Variants in BTBD9 observed in about 807,000 individuals in gnomAD.
BTBD9 encodes the protein BTB/POZ domain-containing protein 9.
BTBD9 carries 49 observed loss-of-function variants against 64.3 expected under a neutral mutation model. The observed-to-expected ratio is 0.76, with a 90% CI of 0.61 to 0.97. BTBD9 has a LOEUF of 0.97. BTBD9 is among the 50% of genes least tolerant of loss of function. BTBD9 has a pLI of 0.00. For synonymous variants in BTBD9, 260 were observed against 274.7 expected (o/e 0.95, Z 0.53); for missense variants, 598 against 762.1 (o/e 0.78, Z 2.53).
At chr6:38,385,785 A>G (rs1029117859) in intron 6 of BTBD9, among the ~76,000 whole-genome samples, 55 of 147,062 alleles carry the variant, frequency 3.7e-4, no homozygotes, top group African/African-American at 1.3e-3. Context: ...GAGATTAAAT[A>G]ATATCATACT....
At chr6:38,206,803 A>G (rs1015459555) in intron 9 of BTBD9, among the ~76,000 whole-genome samples, 9 of 152,220 alleles carry the variant, frequency 5.9e-5, no homozygotes, top group Non-Finnish European at 5.9e-5. Flanking sequence ...TAATTAGGAA[A>G]TAGCAGAATA....
chr6:38,222,712 T>C (rs1284458654), intron 9 of BTBD9, among the ~76,000 whole-genome samples: 2 of 152,060 alleles, frequency 1.3e-5, no homozygotes, highest in East Asian at 1.9e-4. Context: ...CACCTAAGGG[T>C]AAAAGGTAGC....
At chr6:38,376,300 C>T (rs187830768) in intron 6 of BTBD9, among the ~76,000 whole-genome samples, 4 of 152,026 alleles carry the variant, frequency 2.6e-5, no homozygotes, top group East Asian at 1.9e-4. Context: ...TGGACCTGCT[C>T]GCTACAAATA....
intron 6 of BTBD9, among the ~76,000 whole-genome samples, chr6:38,371,286 A>G (rs1280139811): frequency 6.6e-6 from 1 of 152,190 alleles, no homozygotes; most frequent in African/African-American, 2.4e-5. Flanking sequence ...GTTAGAGTTT[A>G]ACTTTGGCCC....
intron 7 of BTBD9, among the ~76,000 whole-genome samples, chr6:38,308,476 A>C (rs1218301055): frequency 6.6e-6 from 1 of 152,242 alleles, no homozygotes; most frequent in Non-Finnish European, 1.5e-5. Flanking sequence ...AAAATTAAGA[A>C]GTTTTAATAT....
At chr6:38,537,812 C>A (rs1774087629) in intron 6 of BTBD9, among the ~76,000 whole-genome samples, 1 of 152,110 alleles carries the variant, frequency 6.6e-6, no homozygotes, top group African/African-American at 2.4e-5. Flanking sequence ...TAGCTAAGTT[C>A]TCACCAAAGG....
chr6:38,276,570 A>G (rs1200945896), intron 8 of BTBD9, among the ~76,000 whole-genome samples: 1 of 152,188 alleles, frequency 6.6e-6, no homozygotes, highest in East Asian at 1.9e-4. Context: ...TTCTTCTCCC[A>G]AGATTTAAAA....
intron 9 of BTBD9, among the ~76,000 whole-genome samples, chr6:38,246,431 C>T (rs1488135884): frequency 6.6e-6 from 1 of 151,676 alleles, no homozygotes; most frequent in Non-Finnish European, 1.5e-5. Flanking sequence ...AAGGATCTGC[C>T]TAGGGTCAGA....
intron 1 of BTBD9, among the ~76,000 whole-genome samples, chr6:38,630,912 C>A (rs1409589002): frequency 6.6e-6 from 1 of 152,170 alleles, no homozygotes; most frequent in Non-Finnish European, 1.5e-5. Context: ...AGCCATGCAG[C>A]CCAATGTCAC....
chr6:38,393,237 T>C lies in BTBD9; in HGVS notation c.1155-48144A>G, dbSNP rs1766516400. Among the ~76,000 whole-genome samples the C allele has an allele frequency of 5.3e-5, 8 of 152,332 alleles. No individual in the cohort carries two copies. The South Asian group carries it at 1.5e-3, about 28-fold the overall frequency. ...GGGAATAAAAAGAATAAGAGGAACA[T>C]GTAGCCATATTTAAGGCTATTGCTT... On this transcript the variant is annotated intron_variant, in intron 6 of 10. Coordinates refer to ENST00000481247, the MANE Select transcript of BTBD9 (RefSeq NM_001099272.2).
chr6:38,292,255 C>G (rs906433052), intron 7 of BTBD9, among the ~76,000 whole-genome samples: 1 of 152,172 alleles, frequency 6.6e-6, no homozygotes, highest in Non-Finnish European at 1.5e-5. Flanking sequence ...TGAGCCACCA[C>G]GCCCGGCTGA....
intron 6 of BTBD9, among the ~76,000 whole-genome samples, chr6:38,405,218 C>G (rs1268801985): frequency 1.3e-5 from 2 of 152,112 alleles, no homozygotes; most frequent in Non-Finnish European, 2.9e-5. Flanking sequence ...TCATACCTGG[C>G]CTGGGCAGGT....
intron 6 of BTBD9, among the ~76,000 whole-genome samples, chr6:38,407,041 G>A (rs1408176667): frequency 5.9e-5 from 9 of 152,196 alleles, no homozygotes; most frequent in Non-Finnish European, 1.3e-4. Flanking sequence ...TCTTTTGTAA[G>A]GAGAATGGGA....
chr6:38,241,893 G>A (rs1314162080), intron 9 of BTBD9, among the ~76,000 whole-genome samples: 1 of 152,078 alleles, frequency 6.6e-6, no homozygotes, highest in African/African-American at 2.4e-5. Context: ...CAATAGGAAG[G>A]AAAAGGGAAG....
At chr6:38,360,391 C>T (rs927005655) in intron 6 of BTBD9, among the ~76,000 whole-genome samples, 2 of 152,008 alleles carry the variant, frequency 1.3e-5, no homozygotes, top group Non-Finnish European at 2.9e-5. Context: ...CTACTATATG[C>T]TGAGCACTTT....
intron 9 of BTBD9, among the ~76,000 whole-genome samples, chr6:38,198,967 A>G (rs1229459031): frequency 6.6e-6 from 1 of 152,202 alleles, no homozygotes; most frequent in Non-Finnish European, 1.5e-5. Flanking sequence ...CAGATCCTCA[A>G]GTCACCAGCT....
intron 6 of BTBD9, among the ~76,000 whole-genome samples, chr6:38,505,914 G>A (rs1772471807): frequency 1.5e-5 from 2 of 129,824 alleles, no homozygotes; most frequent in African/African-American, 5.5e-5. Context: ...GCAGTGAGCT[G>A]AGATTGTGCC....
Position 38,465,706 on chromosome 6 carries a change from ATT to A in BTBD9, c.1154+111892_1154+111893del, listed in dbSNP as rs1491119305. Among the ~76,000 whole-genome samples, 196 of 60,318 alleles carry A rather than the reference ATT, an allele frequency of 3.2e-3. 1 individual carries two copies. Among genetic ancestry groups the A allele is most frequent in the Non-Finnish European group, 4.1e-3 (128 of 31,280 alleles). 39.6% of individuals were successfully genotyped at this position (60,318 alleles called of 152,430 possible). A position where few individuals can be genotyped will look rare whatever the true frequency, so the allele number is the denominator to read the frequency against. ...CATCTCTAAATAAATAAATAAATAA[ATT>A]ATATATATATATATATATATATATA... On this transcript the variant is annotated intron_variant, in intron 6 of 10. Transcript: ENST00000481247.
chr6:38,531,501 G>A (rs1773798521), intron 6 of BTBD9, among the ~76,000 whole-genome samples: 1 of 152,018 alleles, frequency 6.6e-6, no homozygotes, highest in Non-Finnish European at 1.5e-5. Flanking sequence ...TCATCTGAAG[G>A]TACAAAACTC....
Sources: allele counts gnomAD v4.1 joint callset (sites outside exome capture counted in the v4.1 genomes callset), GRCh38; gene constraint gnomAD v4.1.1; transcripts MANE v1.5; gene names NCBI Gene and HGNC (gene_info 2026-07-23, HGNC 2026-07-21).